Variants in EYA1 observed in about 807,000 individuals in gnomAD.
The protein encoded by EYA1 is EYA transcriptional coactivator and phosphatase 1.
EYA1 carries 16 observed loss-of-function variants against 82.0 expected under a neutral mutation model. That is an observed-to-expected ratio of 0.20 (90% CI 0.13 to 0.30). EYA1 has a LOEUF of 0.30. Among genes scored for constraint, EYA1 ranks in the 10% least tolerant of loss-of-function variants. EYA1 has a pLI of 1.00. For synonymous variants in EYA1, 261 were observed against 264.4 expected, an observed-to-expected ratio of 0.99 and a Z score of 0.12; for missense variants, 633 against 730.7, an observed-to-expected ratio of 0.87 and a Z score of 1.54.
intron 12 of EYA1, among the ~76,000 whole-genome samples, chr8:71,232,590 G>A (rs1488565562): frequency 6.6e-6 from 1 of 152,132 alleles, no homozygotes; most frequent in Non-Finnish European, 1.5e-5. Context: ...GGTGGGAGGA[G>A]CCCATGAATA....
At position 71,286,142 on chromosome 8, in the gene EYA1, G is replaced by C. The variant is rs113842872; in HGVS notation, c.826+12905C>G. On this transcript the variant is annotated intron_variant, in intron 9 of 17. Coordinates refer to ENST00000340726, the MANE Select transcript of EYA1 (RefSeq NM_000503.6). ...CAAACAACTTCTCCACAATAGTGGA[G>C]GTGTGCCCCATTCACCCAGGTATAA... Among the ~76,000 whole-genome samples the C allele has an allele frequency of 2.7e-3, 407 of 152,246 alleles. 1 individual carries two copies. Among genetic ancestry groups the C allele is most frequent in the African/African-American group, 9.4e-3 (390 of 41,542 alleles).
chr8:71,358,429 T>C (rs945260127), intron 1 of EYA1, among the ~76,000 whole-genome samples: 10 of 152,206 alleles, frequency 6.6e-5, no homozygotes, highest in Admixed American at 2.0e-4. Context: ...AGATATACTC[T>C]TTTGTGTCTC....
intron 2 of EYA1, among the ~76,000 whole-genome samples, chr8:71,440,767 T>C (rs192949677): frequency 6.6e-6 from 1 of 152,134 alleles, no homozygotes; most frequent in African/African-American, 2.4e-5. Flanking sequence ...AACTTGCAGC[T>C]AACAATGGTA....
At chr8:71,440,774 G>A (rs990139262) in intron 2 of EYA1, among the ~76,000 whole-genome samples, 1 of 151,994 alleles carries the variant, frequency 6.6e-6, no homozygotes, top group Non-Finnish European at 1.5e-5. Flanking sequence ...AGCTAACAAT[G>A]GTAAAACAGA....
upstream of EYA1, chr8:71,362,155 CTTTTTTTTTTT>C (rs35320129): frequency 6.5e-5 from 54 of 824,634 alleles, no homozygotes; most frequent in African/African-American, 5.8e-4. Flanking sequence ...TCGGGGCTTT[CTTTTTTTTTTT>C]TTTTTTTTTT....
intron 2 of EYA1, among the ~76,000 whole-genome samples, chr8:71,438,484 A>G (rs1021520631): frequency 3.9e-5 from 6 of 152,132 alleles, no homozygotes; most frequent in Non-Finnish European, 8.8e-5. Context: ...TCTTGTCCCT[A>G]AGGATCATAA....
chr8:71,285,869 T>G (rs900840329), intron 9 of EYA1, among the ~76,000 whole-genome samples: 3 of 152,234 alleles, frequency 2.0e-5, no homozygotes, highest in Non-Finnish European at 4.4e-5. Context: ...CTTTTAATTC[T>G]TAATTTTAGT....
intron 2 of EYA1, among the ~76,000 whole-genome samples, chr8:71,426,299 T>A (rs2129155424): frequency 6.6e-6 from 1 of 152,352 alleles, no homozygotes; most frequent in East Asian, 1.9e-4. Context: ...CCATGTGAAG[T>A]ACCCTGGAAT....
intron 3 of EYA1, among the ~76,000 whole-genome samples, chr8:71,352,675 G>A (rs1826423072): frequency 6.6e-6 from 1 of 152,188 alleles, no homozygotes; most frequent in Non-Finnish European, 1.5e-5. Flanking sequence ...CAGTTTGGTT[G>A]AGGAGATCAC....
At chr8:71,437,340 T>C (rs149057114) in intron 2 of EYA1, among the ~76,000 whole-genome samples, 3 of 152,078 alleles carry the variant, frequency 2.0e-5, no homozygotes, top group African/African-American at 7.2e-5. Flanking sequence ...GAAAAATCAA[T>C]GTACTGTGTT....
intron 11 of EYA1, among the ~76,000 whole-genome samples, chr8:71,264,829 C>T (rs187725833): frequency 3.0e-4 from 45 of 152,180 alleles, no homozygotes; most frequent in African/African-American, 9.9e-4. Flanking sequence ...GTGATCTACC[C>T]GCCTCAGCCT....
chr8:71,259,694 G>C (rs140822563), intron 11 of EYA1, among the ~76,000 whole-genome samples: 3 of 152,096 alleles, frequency 2.0e-5, no homozygotes, highest in Non-Finnish European at 4.4e-5. Flanking sequence ...GATAGTTCAC[G>C]GTCTTTGGAG....
At chr8:71,361,454 TCTA>T (rs891457643) in intron 1 of EYA1, among the ~76,000 whole-genome samples, 190 bp downstream of exon 1, 3 of 152,232 alleles carry the variant, frequency 2.0e-5, no homozygotes, top group African/African-American at 7.2e-5. Context: ...GGTTGGGAAT[TCTA>T]CTTCTAGGAT....
At chr8:71,226,492 T>C (rs1810573337) in intron 12 of EYA1, among the ~76,000 whole-genome samples, 1 of 151,662 alleles carries the variant, frequency 6.6e-6, no homozygotes, top group Non-Finnish European at 1.5e-5. Context: ...TTAAATATAT[T>C]TGTCTTTATT....
rs200732035 is a variant in EYA1, at chr8:71,253,864, G to GT, written c.1051-9173dup. ...TTAATCAAAAATATGCAATAATACTGTAGAGCTATTCAAGAAGAGTTGATA... is the reference window on the plus strand; with the variant it reads ...TTAATCAAAAATATGCAATAATACTGTTAGAGCTATTCAAGAAGAGTTGATA... On this transcript the variant is annotated intron_variant, in intron 11 of 17. Transcript: ENST00000340726. 5.8e-3 allele frequency among the ~76,000 whole-genome samples: 879 copies of GT among 152,276 alleles called. 9 individuals are homozygous for GT. The highest frequency in any genetic ancestry group is 0.02 in the African/African-American group (818 of 41,554).
At chr8:71,335,316 C>T (rs993047859) in intron 3 of EYA1, among the ~76,000 whole-genome samples, 1 of 152,178 alleles carries the variant, frequency 6.6e-6, no homozygotes, top group Non-Finnish European at 1.5e-5. Context: ...CATCACCAAT[C>T]TGTTATAAAC....
intron 2 of EYA1, among the ~76,000 whole-genome samples, chr8:71,479,555 G>C (rs1809954613): frequency 6.9e-6 from 1 of 145,714 alleles, no homozygotes; most frequent in African/African-American, 2.5e-5. Context: ...ACCTACTACA[G>C]TACCTGCTGC....
At chr8:71,515,477 T>G (rs965664660) in intron 2 of EYA1, among the ~76,000 whole-genome samples, 2 of 150,122 alleles carry the variant, frequency 1.3e-5, no homozygotes, top group Non-Finnish European at 2.9e-5. Context: ...AATCTCAATA[T>G]CAAAAAAAAA....
chr8:71,239,570 C>T (rs10094291), intron 12 of EYA1, among the ~76,000 whole-genome samples: 3,165 of 152,254 alleles, frequency 0.021, 104 homozygotes, highest in African/African-American at 0.072. Flanking sequence ...AGTCTGTGTA[C>T]AGGGTTGAAA....
Sources: gnomAD v4.1 joint callset for allele counts (sites outside exome capture counted in the v4.1 genomes callset) on GRCh38, gnomAD v4.1.1 for gene constraint, MANE v1.5 for transcripts, NCBI Gene and HGNC (gene_info 2026-07-23, HGNC 2026-07-21) for gene names.